The following CLK1 variants were observed in gnomAD, a reference collection of about 807,000 sequenced individuals.
CLK1 encodes CDC like kinase 1.
In CLK1, 40 loss-of-function variants were observed where a neutral mutation model predicts 60.9. That is an observed-to-expected ratio of 0.66 (90% CI 0.51 to 0.86). The LOEUF (loss-of-function observed/expected upper bound fraction) is 0.86, where lower values mean the gene tolerates loss of function less well. Ranked by LOEUF, CLK1 falls within the 40% of genes least tolerant of loss-of-function variation. CLK1 has a pLI of 0.00. For missense variants in CLK1, 563 were observed against 606.1 expected, an observed-to-expected ratio of 0.93 and a Z score of 0.75; for synonymous variants, 203 against 184.4, an observed-to-expected ratio of 1.10 and a Z score of -0.82.
chr2:200,862,720 C>G (rs2039161289), intron 1 of CLK1, among the ~76,000 whole-genome samples: 1 of 152,228 alleles, frequency 6.6e-6, no homozygotes, highest in African/African-American at 2.4e-5. Context: ...AAACTAGTCT[C>G]CAACTCAAAT....
intron 3 of CLK1, 132 bp from the exon 4 acceptor site, chr2:200,860,347 G>A: frequency 6.8e-7 from 1 of 1,465,774 alleles, no homozygotes; most frequent in Non-Finnish European, 9.1e-7. Context: ...GCCACAAACG[G>A]TTGGCAGGAG....
chr2:200,854,198 C>T (rs1232954498), intron 11 of CLK1: 2 of 458,398 alleles, frequency 4.4e-6, no homozygotes, highest in East Asian at 8.0e-5. Flanking sequence ...TTATAAAGTC[C>T]TAATCAGCGC....
At chr2:200,857,162 C>T (rs1195444343) in intron 7 of CLK1, 177 bp from the exon 8 acceptor site, 13 of 589,466 alleles carry the variant, frequency 2.2e-5, no homozygotes, top group South Asian at 6.0e-5. Flanking sequence ...AAAAATTGGC[C>T]GGGTGTGGTG....
In CLK1 at chr2:200,858,032, A is replaced by C; in HGVS notation, c.606T>G (p.Ala202=). The C allele has an allele frequency of 6.2e-7, 1 of 1,614,130 alleles. No individual in the cohort carries two copies. ...CCAGAACTTGTATTTCTGAGCGAGCAGCTTCACAGTATCTATCCACATTTT... is the reference window on the plus strand; with the variant it reads ...CCAGAACTTGTATTTCTGAGCGAGCCGCTTCACAGTATCTATCCACATTTT... ...IVKNVDRYCE[A]ARSEIQVLEH... is the part of the protein sequence containing the mutation. Residue 202 remains alanine (A), a synonymous_variant, in exon 6 of 13, where the codon GCT becomes GCG. Transcript: ENST00000321356.
rs2039133389 is a variant in CLK1, at chr2:200,861,296, C to G, written c.332G>C (p.Ser111Thr). 1.9e-6 allele frequency: 3 copies of G among 1,614,150 alleles called. No homozygotes were observed. The highest frequency in any genetic ancestry group is 2.2e-5 in the South Asian group (2 of 91,078). Residue 111 changes from serine (S) to threonine (T), a missense_variant, in exon 3 of 13, where the codon AGT becomes ACT. Physicochemically the swap from Ser to Thr is moderately conservative, Grantham distance 58 (BLOSUM62 1). Transcript: ENST00000321356. ...SSKSSGRSGR[S>T]SYKSKHRIHH... ...AATCCTGTGTTTGCTTTTATAACTA[C>G]TTCTTCCACTTCTACCAGAAGACTT...
At chr2:200,854,841 T>C (rs2039013109) in intron 10 of CLK1, 146 bp from the exon 11 acceptor site, 1 of 769,188 alleles carries the variant, frequency 1.3e-6, no homozygotes, top group Non-Finnish European at 2.2e-6. Flanking sequence ...GCTTATATAC[T>C]GAAAGATGTT....
At chr2:200,864,125 G>A in intron 1 of CLK1, 2 of 1,551,114 alleles carry the variant, frequency 1.3e-6, no homozygotes, top group Non-Finnish European at 1.7e-6. Flanking sequence ...CCCCACAGCT[G>A]CTTGGCTCAC....
At chr2:200,858,806 TAACAACAAC>T (rs57925642) in intron 5 of CLK1, among the ~76,000 whole-genome samples, 14 of 137,898 alleles carry the variant, frequency 1.0e-4, no homozygotes, top group Admixed American at 3.6e-4. Context: ...GGAAGAACAA[TAACAACAAC>T]AACAACAACA....
At chr2:200,860,528 G>A in intron 3 of CLK1, 1 of 1,073,798 alleles carries the variant, frequency 9.3e-7, no homozygotes, top group African/African-American at 1.6e-5. Context: ...AGCATTCACT[G>A]AAACATAATT....
chr2:200,862,347 G>GGGGC (rs2039152933), intron 1 of CLK1, among the ~76,000 whole-genome samples: 1 of 152,148 alleles, frequency 6.6e-6, no homozygotes, highest in Non-Finnish European at 1.5e-5. Flanking sequence ...CCACCATTGT[G>GGGGC]ATTTATTTCT....
chr2:200,857,529 G>A, intron 7 of CLK1, 189 bp downstream of exon 7: 1 of 491,480 alleles, frequency 2.0e-6, no homozygotes, highest in South Asian at 3.6e-5. Context: ...GTTGTTATAT[G>A]GTGGATATCC....
Position 200,861,802 on chromosome 2 carries a change from T to C in CLK1, c.61A>G (p.Lys21Glu), listed in dbSNP as rs769848172. Residue 21 changes from lysine (K) to glutamate (E), a missense_variant, in exon 2 of 13, where the codon AAA becomes GAA. Around this residue, in one of 3 missense-constraint regions of CLK1, gnomAD observed 198 missense variants for 179.2 expected, o/e 1.10. Coordinates refer to ENST00000321356, the MANE Select transcript of CLK1 (RefSeq NM_004071.4). The part of the protein sequence containing the change: ...DWDDKDWDYG[K>E]WRSSSSHKRR... Reference sequence around the variant, plus strand: ...TTATGACTGCTGCTGCTCCTCCATTTTCCATAATCCCAATCCTTGTCATCC... The same window carrying C: ...TTATGACTGCTGCTGCTCCTCCATTCTCCATAATCCCAATCCTTGTCATCC... The C allele has an allele frequency of 6.2e-7, 1 of 1,614,108 alleles. No individual in the cohort carries two copies. Among genetic ancestry groups the C allele is most frequent in the Non-Finnish European group, 8.5e-7 (1 of 1,179,994 alleles).
chr2:200,854,203 C>A, intron 11 of CLK1: 1 of 454,834 alleles, frequency 2.2e-6, no homozygotes, highest in Non-Finnish European at 3.9e-6. Context: ...AAGTCCTAAT[C>A]AGCGCCTGAG....
intron 7 of CLK1, chr2:200,857,512 A>G (rs2039063482): frequency 2.2e-6 from 1 of 445,278 alleles, no homozygotes; most frequent in Non-Finnish European, 3.9e-6. Context: ...AGTCTGCAAC[A>G]AAGTACGTTG....
At chr2:200,857,463 G>A (rs1004406217) in intron 7 of CLK1, 12 of 334,524 alleles carry the variant, frequency 3.6e-5, no homozygotes, top group African/African-American at 2.6e-4. Flanking sequence ...CCCAGCATTC[G>A]AAGTTACTAT....
intron 4 of CLK1, 138 bp downstream of exon 4, chr2:200,859,984 TCCC>T: frequency 1.4e-6 from 2 of 1,391,810 alleles, no homozygotes; most frequent in Non-Finnish European, 1.9e-6. Flanking sequence ...AAAAATACAA[TCCC>T]CCCCACCAAA....
Position 200,853,989 on chromosome 2 carries a change from G to C in CLK1, c.1225C>G (p.Arg409Gly). 6.2e-7 allele frequency: 1 copy of C among 1,605,894 alleles called. No homozygotes were observed. Among genetic ancestry groups the C allele is most frequent in the Non-Finnish European group, 8.5e-7 (1 of 1,175,504 alleles). The change falls in exon 12 of 13, where the codon CGT (arginine) becomes GGT (glycine). Residue 409 changes from arginine (R) to glycine (G), a missense_variant. Physicochemically the swap from Arg to Gly is moderately radical, Grantham distance 125 (BLOSUM62 -2). Transcript: ENST00000321356. Reference sequence around the variant, plus strand: ...AATCGATCGTGGTGAAAATATTTACGTTTCCTAAAAATAAGTCAATATCCA... The same window carrying C: ...AATCGATCGTGGTGAAAATATTTACCTTTCCTAAAAATAAGTCAATATCCA... ...PKHMIQKTRK[R>G]KYFHHDRLDW... is the part of the protein sequence containing the mutation.
chr2:200,859,571 A>C (rs1281396726), intron 5 of CLK1, 109 bp downstream of exon 5: 1 of 736,558 alleles, frequency 1.4e-6, no homozygotes, highest in East Asian at 2.7e-5. Context: ...CCAAGTAAAA[A>C]AGGGTATAAA....
At chr2:200,857,016 GAA>G in intron 7 of CLK1, 31 bp from the exon 8 acceptor site, 1 of 1,574,674 alleles carries the variant, frequency 6.4e-7, no homozygotes. Flanking sequence ...GCTGTAATCA[GAA>G]AACACCAAAC....
Sources: allele counts gnomAD v4.1 joint callset (sites outside exome capture counted in the v4.1 genomes callset), GRCh38; gene constraint gnomAD v4.1.1; regional missense constraint gnomAD v4.1.1; transcripts MANE v1.5; gene names NCBI Gene and HGNC (gene_info 2026-07-23, HGNC 2026-07-21).